CBLN2: variants seen among roughly 807,000 people sequenced by gnomAD.
CBLN2 encodes the protein cerebellin 2 precursor.
A neutral mutation model predicts 15.0 loss-of-function variants in CBLN2; 7 were observed. The ratio of observed to expected loss-of-function variants is 0.47; its 90% CI spans 0.27 to 0.88. The LOEUF (loss-of-function observed/expected upper bound fraction) is 0.88, where lower values mean the gene tolerates loss of function less well. Among genes scored for constraint, CBLN2 ranks in the 40% least tolerant of loss-of-function variants. CBLN2 has a pLI of 0.14. For synonymous variants in CBLN2, 149 were observed against 135.2 expected (o/e 1.10, Z -0.71); for missense variants, 242 against 304.5 (o/e 0.79, Z 1.53).
intron 1 of CBLN2, among the ~76,000 whole-genome samples, chr18:72,608,960 C>A (rs1156354530): frequency 1.3e-5 from 2 of 152,146 alleles, no homozygotes; most frequent in Non-Finnish European, 2.9e-5. Context: ...GACTTATTCA[C>A]TACCATGAGA....
rs1458804890 is a variant in CBLN2, at chr18:72,543,726, G to T, written c.-211-196C>A. On this transcript the variant is annotated intron_variant, in intron 1 of 4. Transcript: ENST00000269503. The surrounding 1 kb of genome is among the most constrained non-coding windows in gnomAD (Gnocchi z 6.8). ...CCCGGGACCGGGAACCCCGCGTCTC[G>T]CCCGGCTCAGCGCCCCGCGCTGTGC... Among the ~76,000 whole-genome samples, 1 of 151,748 alleles carries T rather than the reference G, an allele frequency of 6.6e-6. No homozygotes were observed. Among genetic ancestry groups the T allele is most frequent in the African/African-American group, 2.4e-5 (1 of 41,390 alleles).
chr18:72,617,557 T>C (rs2069670377), intron 1 of CBLN2, among the ~76,000 whole-genome samples: 1 of 152,222 alleles, frequency 6.6e-6, no homozygotes, highest in Admixed American at 6.5e-5. Flanking sequence ...ACATTAAACC[T>C]TTAATTACTA....
intron 1 of CBLN2, among the ~76,000 whole-genome samples, chr18:72,604,869 C>T (rs2069573279): frequency 6.6e-6 from 1 of 152,160 alleles, no homozygotes; most frequent in African/African-American, 2.4e-5. Flanking sequence ...ATGTTGTAAG[C>T]AACCAAAAAT....
In CBLN2 at chr18:72,570,872, A is replaced by G. The variant is rs182935169; in HGVS notation, c.16-32100T>C. Among the ~76,000 whole-genome samples, 645 of 152,242 alleles carry G rather than the reference A, an allele frequency of 4.2e-3. 8 individuals carry two copies. The highest frequency in any genetic ancestry group is 0.013 in the African/African-American group (538 of 41,560). On this transcript the variant is annotated intron_variant, in intron 1 of 2. Transcript: ENST00000581073. Reference sequence around the variant, plus strand: ...CCAAGCACATCCATGAATGACTGCAATGGAGCCACCAAGTATTGATTTGAG... The same window carrying G: ...CCAAGCACATCCATGAATGACTGCAGTGGAGCCACCAAGTATTGATTTGAG...
At chr18:72,595,589 G>A (rs1240966723) in intron 1 of CBLN2, among the ~76,000 whole-genome samples, 1 of 152,056 alleles carries the variant, frequency 6.6e-6, no homozygotes, top group African/African-American at 2.4e-5. Context: ...TTTTCTGTCT[G>A]GATGATCTGT....
intron 1 of CBLN2, among the ~76,000 whole-genome samples, chr18:72,563,167 A>G (rs2069272785): frequency 6.6e-6 from 1 of 152,234 alleles, no homozygotes; most frequent in South Asian, 2.1e-4. Context: ...ATTAAATCAC[A>G]ATGGGGTAAA....
chr18:72,545,872 A>C (rs1250738282), upstream of CBLN2, among the ~76,000 whole-genome samples: 1 of 152,234 alleles, frequency 6.6e-6, no homozygotes, highest in Non-Finnish European at 1.5e-5. Flanking sequence ...ATGCAAGCAC[A>C]CATGAACTAT....
Position 72,565,879 on chromosome 18 carries a change from C to T in CBLN2, c.16-27107G>A, listed in dbSNP as rs2069291605. Among the ~76,000 whole-genome samples the T allele has an allele frequency of 1.3e-5, 2 of 152,106 alleles. 1 individual carries two copies. The highest frequency in any genetic ancestry group is 4.1e-4 in the South Asian group (2 of 4,828). ...ACAATCAATAGAGAAAAAGAAACAA[C>T]CTATAGAATGGGAGAATATATTTAC... On this transcript the variant is annotated intron_variant, in intron 1 of 2. Transcript: ENST00000581073.
At chr18:72,545,729 A>G (rs1166725741), upstream of CBLN2, among the ~76,000 whole-genome samples, 1 of 152,254 alleles carries the variant, frequency 6.6e-6, no homozygotes, top group Non-Finnish European at 1.5e-5. Flanking sequence ...GACATGTGAG[A>G]CACAGACATA....
chr18:72,582,632 T>A (rs1258855963), intron 1 of CBLN2, among the ~76,000 whole-genome samples: 2 of 152,128 alleles, frequency 1.3e-5, no homozygotes, highest in Non-Finnish European at 2.9e-5. Flanking sequence ...GTAAAACAGG[T>A]GCTCACACAT....
intron 1 of CBLN2, among the ~76,000 whole-genome samples, chr18:72,609,572 T>G (rs1017609181): frequency 2.0e-5 from 3 of 152,128 alleles, no homozygotes; most frequent in Non-Finnish European, 4.4e-5. Flanking sequence ...ATGGCAGCCC[T>G]AGCAGTCTGA....
intron 1 of CBLN2, among the ~76,000 whole-genome samples, chr18:72,574,939 G>A (rs879045962): frequency 2.6e-5 from 4 of 152,160 alleles, no homozygotes; most frequent in Admixed American, 2.6e-4. Context: ...AACGCTTGTG[G>A]ATTATCTCAG....
At chr18:72,600,431 C>T (rs146928698) in intron 1 of CBLN2, among the ~76,000 whole-genome samples, 15 of 152,178 alleles carry the variant, frequency 9.9e-5, no homozygotes, top group East Asian at 5.8e-4. Flanking sequence ...ATAAACACTA[C>T]GGGAATTTGG....
At position 72,616,530 on chromosome 18, in the gene CBLN2, T is replaced by C. The variant is rs1472368107; in HGVS notation, c.15+21795A>G. ...CTGATTCTTGGTCTTTGTTCTGGACTCTTGCCCACTGGTAGTGTGGAAAGG... is the reference window on the plus strand; with the variant it reads ...CTGATTCTTGGTCTTTGTTCTGGACCCTTGCCCACTGGTAGTGTGGAAAGG... On this transcript the variant is annotated intron_variant, in intron 1 of 2. Coordinates refer to the CBLN2 transcript ENST00000581073. 3.3e-5 allele frequency among the ~76,000 whole-genome samples: 5 copies of C among 152,190 alleles called. No homozygotes were observed. The East Asian group carries it at 7.7e-4, about 23-fold the overall frequency.
intron 3 of CBLN2, chr18:72,539,419 T>C (rs2144860496): frequency 6.6e-6 from 1 of 152,390 alleles, no homozygotes; most frequent in Admixed American, 6.5e-5. Context: ...ATGAAAGACC[T>C]TTGTAGAAAA....
At chr18:72,632,352 A>G (rs1380659065) in intron 1 of CBLN2, among the ~76,000 whole-genome samples, 1 of 152,162 alleles carries the variant, frequency 6.6e-6, no homozygotes, top group East Asian at 1.9e-4. Flanking sequence ...GGAAAAATTT[A>G]GTGATTTAAA....
intron 1 of CBLN2, among the ~76,000 whole-genome samples, chr18:72,549,850 C>T (rs1031649222): frequency 7.2e-5 from 11 of 152,064 alleles, no homozygotes; most frequent in Non-Finnish European, 1.6e-4. Flanking sequence ...AGTTTCAGTT[C>T]ATCTGCACAT....
At chr18:72,635,112 G>A (rs1955467337) in intron 1 of CBLN2, among the ~76,000 whole-genome samples, 1 of 151,976 alleles carries the variant, frequency 6.6e-6, no homozygotes, top group East Asian at 1.9e-4. Flanking sequence ...ACTCAATTGA[G>A]CTCAATTAAT....
Position 72,542,259 on chromosome 18 carries a change from G to C in CBLN2, c.-99C>G, listed in dbSNP as rs977313068. On this transcript the variant is annotated 5_prime_UTR_variant, in exon 3 of 5. Coordinates refer to ENST00000269503, the MANE Select transcript of CBLN2 (RefSeq NM_182511.4). The stretch of plus-strand genomic sequence containing the variant: ...ACGCGCGGAGCTCGCAGCAGCCTCC[G>C]GGGGCCTTCGTCCCCGGCTCTGACG... 5.4e-6 allele frequency: 4 copies of C among 745,116 alleles called. No individual in the cohort carries two copies. The highest frequency in any genetic ancestry group is 1.1e-4 in the East Asian group (2 of 17,562). 46.2% of individuals were successfully genotyped at this position (745,116 alleles called of 1,614,324 possible).
Sources: allele counts gnomAD v4.1 joint callset (sites outside exome capture counted in the v4.1 genomes callset), GRCh38; gene constraint gnomAD v4.1.1; non-coding constraint Gnocchi (gnomAD v3.1); transcripts MANE v1.5; gene names NCBI Gene and HGNC (gene_info 2026-07-23, HGNC 2026-07-21).